The following DMD variants were observed in gnomAD, a reference collection of about 807,000 sequenced individuals.
DMD encodes dystrophin, also known as mutant dystrophin.
In DMD, 63 loss-of-function variants were observed where a neutral mutation model predicts 330.1. The ratio of observed to expected loss-of-function variants is 0.19; its 90% confidence interval spans 0.16 to 0.24. The LOEUF is 0.24. DMD is among the 10% of genes least tolerant of loss of function. The pLI is 1.00. For missense variants in DMD, 3,344 were observed against 2,684.1 expected, an observed-to-expected ratio of 1.25 and a Z score of -5.43; for synonymous variants, 1,223 against 959.8, an observed-to-expected ratio of 1.27 and a Z score of -5.07.
At chrX:31,264,332 A>G (rs2050820475) in intron 62 of DMD, among the ~76,000 whole-genome samples, 1 of 111,682 alleles carries the variant, frequency 9.0e-6, no homozygotes, top group South Asian at 3.8e-4. Context: ...CACTCTCCAC[A>G]TCGGAAATAC....
Position 32,879,014 on chromosome X carries a change from AAAAC to A in DMD, c.94-29198_94-29195del, listed in dbSNP as rs1468249374. On this transcript the variant is annotated intron_variant, in intron 2 of 78. Coordinates refer to ENST00000357033, the MANE Select transcript of DMD (RefSeq NM_004006.3). ...CAGACCAAGACTACGTCTCAAAAAAAAAACAAAAAACAAAAAACAAACAAAAAAA... is the reference window on the plus strand; with the variant it reads ...CAGACCAAGACTACGTCTCAAAAAAAAAAAAACAAAAAACAAACAAAAAAA... 6.3e-5 allele frequency among the ~76,000 whole-genome samples: 6 copies of A among 94,696 alleles called. No homozygotes were observed. The South Asian group carries it at 1.3e-3, about 21-fold the overall frequency. The allele number at this position is 94,696 out of a possible 115,157, so 82.2% of individuals were successfully genotyped here.
intron 9 of DMD, among the ~76,000 whole-genome samples, chrX:32,697,393 A>G (rs907639858): frequency 2.7e-5 from 3 of 112,092 alleles, no homozygotes; most frequent in African/African-American, 9.7e-5. Flanking sequence ...AGAAGCTTGC[A>G]GTTATATTTT....
chrX:32,329,494 T>G (rs1329736765), intron 41 of DMD, among the ~76,000 whole-genome samples: 2 of 111,784 alleles, frequency 1.8e-5, no homozygotes, highest in Non-Finnish European at 3.8e-5. Context: ...CCTTTCCCAT[T>G]AGGGAGGCCA....
intron 42 of DMD, among the ~76,000 whole-genome samples, chrX:32,295,035 A>G (rs1052676602): frequency 9.0e-6 from 1 of 111,616 alleles, no homozygotes; most frequent in African/African-American, 3.3e-5. Flanking sequence ...ATCTGAAAAT[A>G]TGATGTCAAA....
chrX:32,819,868 A>T (rs2148825677), intron 5 of DMD, among the ~76,000 whole-genome samples: 1 of 108,518 alleles, frequency 9.2e-6, no homozygotes, highest in South Asian at 3.9e-4. Flanking sequence ...AAAAAAAAAG[A>T]AAAACACATT....
chrX:31,141,573 T>C (rs1280674069), intron 76 of DMD, among the ~76,000 whole-genome samples: 3 of 111,590 alleles, frequency 2.7e-5, no homozygotes, highest in Non-Finnish European at 1.9e-5. Flanking sequence ...AATTTTGCTC[T>C]TTTTCATAAG....
chrX:32,623,781 C>G (rs1467289977), intron 11 of DMD, among the ~76,000 whole-genome samples: 2 of 111,360 alleles, frequency 1.8e-5, no homozygotes, highest in East Asian at 5.7e-4. Context: ...CCTGCCTCGA[C>G]CTCCCAAAGT....
intron 7 of DMD, among the ~76,000 whole-genome samples, chrX:32,778,700 C>T (rs1409743591): frequency 2.7e-5 from 3 of 111,407 alleles, no homozygotes; most frequent in Non-Finnish European, 5.7e-5. Flanking sequence ...TTCTTCAAAG[C>T]GAACAACAGT....
At chrX:32,650,682 T>C (rs2060090863) in intron 9 of DMD, among the ~76,000 whole-genome samples, 1 of 112,167 alleles carries the variant, frequency 8.9e-6, no homozygotes, top group African/African-American at 3.2e-5. Flanking sequence ...ACATTCAACC[T>C]AATGACACTA....
chrX:31,252,657 T>C (rs962150131), intron 63 of DMD, among the ~76,000 whole-genome samples: 2 of 111,283 alleles, frequency 1.8e-5, no homozygotes, highest in Non-Finnish European at 3.8e-5. Flanking sequence ...GGATTAAATA[T>C]GGTTATTTCT....
chrX:31,788,904 T>C (rs1056041808), intron 50 of DMD, among the ~76,000 whole-genome samples: 1 of 110,338 alleles, frequency 9.1e-6, no homozygotes, highest in African/African-American at 3.3e-5. Context: ...TCTCTTTTGG[T>C]TTCCATTTGC....
chrX:31,357,407 G>C, intron 60 of DMD, among the ~76,000 whole-genome samples: 1 of 108,582 alleles, frequency 9.2e-6, no homozygotes, highest in Middle Eastern at 4.8e-3. Flanking sequence ...GCATATATTA[G>C]GAAATTCATA....
chrX:33,236,835 C>T (rs749605844), intron 1 of DMD, among the ~76,000 whole-genome samples: 29 of 111,080 alleles, frequency 2.6e-4, no homozygotes, highest in Non-Finnish European at 4.5e-4. Context: ...GGGGAAGGAC[C>T]GGGTGGTAGT....
chrX:32,428,182 T>C (rs1209442664), intron 29 of DMD, among the ~76,000 whole-genome samples: 2 of 111,581 alleles, frequency 1.8e-5, no homozygotes, highest in African/African-American at 6.5e-5. Context: ...CCGTCTCTTC[T>C]ACAAAAATTA....
intron 44 of DMD, among the ~76,000 whole-genome samples, chrX:32,198,082 G>GTC (rs1569550351): frequency 9.0e-6 from 1 of 111,541 alleles, no homozygotes; most frequent in Non-Finnish European, 1.9e-5. Context: ...TTCCCATACA[G>GTC]TTTCTTTAGC....
chrX:32,816,791 T>C (rs879046472), intron 5 of DMD, 151 bp from the exon 6 acceptor site: 1 of 538,801 alleles, frequency 1.9e-6, no homozygotes, highest in Non-Finnish European at 3.1e-6. Context: ...AGAAGTTAAG[T>C]CTATTCTCAA....
intron 52 of DMD, among the ~76,000 whole-genome samples, chrX:31,712,367 T>G (rs1569276035): frequency 9.0e-6 from 1 of 111,509 alleles, no homozygotes; most frequent in Non-Finnish European, 1.9e-5. Context: ...AGTTCTGCAA[T>G]GTAGCAAGCT....
intron 1 of DMD, among the ~76,000 whole-genome samples, chrX:33,271,961 G>A (rs901388107): frequency 1.6e-4 from 17 of 109,305 alleles, no homozygotes; most frequent in Non-Finnish European, 3.2e-4. Context: ...TCAGCTCACT[G>A]CAACCTCTGC....
chrX:32,735,668 G>T (rs1038680871), intron 7 of DMD, among the ~76,000 whole-genome samples: 4 of 111,627 alleles, frequency 3.6e-5, no homozygotes, highest in African/African-American at 9.8e-5. Flanking sequence ...AATGGGGAAA[G>T]GATTCCCTAT....
Sources: gnomAD v4.1 joint callset for allele counts (sites outside exome capture counted in the v4.1 genomes callset) on GRCh38, gnomAD v4.1.1 for gene constraint, MANE v1.5 for transcripts, NCBI Gene and HGNC (gene_info 2026-07-23, HGNC 2026-07-21) for gene names.